The following UTRN variants were observed in gnomAD, a reference collection of about 807,000 sequenced individuals.
The protein encoded by UTRN is dystrophin-related protein 1.
UTRN carries 283 observed loss-of-function variants against 463.9 expected under a neutral mutation model. The observed-to-expected ratio is 0.61, with a 90% CI of 0.55 to 0.67. UTRN has a LOEUF of 0.67. UTRN is among the 30% of genes least tolerant of loss of function. The probability of loss-of-function intolerance (pLI) is 0.00; values close to 1 mark genes in which losing one functional copy is unlikely to be tolerated. For missense variants in UTRN, 3,922 were observed against 4,084.3 expected (o/e 0.96, Z 1.08); for synonymous variants, 1,442 against 1,431.5 (o/e 1.01, Z -0.17).
At chr6:144,768,964 T>TTTTTTTTTTTTTTTTTTTTG (rs1562884837) in intron 58 of UTRN, among the ~76,000 whole-genome samples, 2 of 148,136 alleles carry the variant, frequency 1.4e-5, no homozygotes, top group Admixed American at 6.7e-5. Flanking sequence ...TTTTGTTTTT[T>TTTTTTTTTTTTTTTTTTTTG]TTTTTTTAAT....
At chr6:144,601,949 A>G (rs939251920) in intron 51 of UTRN, among the ~76,000 whole-genome samples, 9 of 152,180 alleles carry the variant, frequency 5.9e-5, no homozygotes, top group Non-Finnish European at 1.0e-4. Flanking sequence ...CCAGATAGAC[A>G]ATCGTTAGCA....
intron 3 of UTRN, among the ~76,000 whole-genome samples, chr6:144,419,308 C>T (rs762044253): frequency 3.9e-5 from 6 of 152,120 alleles, no homozygotes; most frequent in Non-Finnish European, 8.8e-5. Context: ...TCTCTTTGTC[C>T]CTGAATCTAT....
At chr6:144,583,353 C>A (rs1469063570) in intron 51 of UTRN, 3 of 490,696 alleles carry the variant, frequency 6.1e-6, no homozygotes, top group South Asian at 8.4e-5. Context: ...TAGAACCTAA[C>A]CCCCTGTATC....
At chr6:144,415,988 A>G (rs1220779514) in intron 3 of UTRN, among the ~76,000 whole-genome samples, 3 of 151,836 alleles carry the variant, frequency 2.0e-5, no homozygotes, top group Non-Finnish European at 4.4e-5. Context: ...AAGAGTCATT[A>G]TTTCTTGATA....
chr6:144,768,971 T>TA (rs71028310), intron 58 of UTRN, among the ~76,000 whole-genome samples: 3 of 148,040 alleles, frequency 2.0e-5, no homozygotes, highest in South Asian at 2.1e-4. Context: ...TTTTTTTTTT[T>TA]AATTTTATTC....
At chr6:144,476,936 GT>G (rs1335000107) in intron 25 of UTRN, among the ~76,000 whole-genome samples, 1 of 152,054 alleles carries the variant, frequency 6.6e-6, no homozygotes. Context: ...CAAAGAGGTG[GT>G]TTTGTTATTT....
chr6:144,826,727 A>G (rs548439312), intron 66 of UTRN, among the ~76,000 whole-genome samples: 1 of 152,248 alleles, frequency 6.6e-6, no homozygotes, highest in South Asian at 2.1e-4. Context: ...TCATGATCTC[A>G]GGAAGTTGCC....
chr6:144,700,196 A>G lies in UTRN; in HGVS notation c.7762A>G (p.Ile2588Val), dbSNP rs566729770. The G allele has an allele frequency of 6.8e-6, 11 of 1,613,648 alleles. No individual in the cohort carries two copies. The highest frequency in any genetic ancestry group is 2.2e-5 in the East Asian group (1 of 44,862). ...TGAAGAGCTTAAGAAACAAATGCCTATTGGAGGAGATGTTCCAGCCTTACA... is the reference window on the plus strand; with the variant it reads ...TGAAGAGCTTAAGAAACAAATGCCTGTTGGAGGAGATGTTCCAGCCTTACA... ...KDEELKKQMP[I>V]GGDVPALQLQ... is the part of the protein sequence containing the mutation. Residue 2588 changes from isoleucine (I) to valine (V), a missense_variant, in exon 53 of 75, where the codon ATT becomes GTT. Ile to Val is a conservative substitution (Grantham distance 29, BLOSUM62 3). Transcript: ENST00000367545.
intron 58 of UTRN, among the ~76,000 whole-genome samples, chr6:144,764,612 T>C (rs1476500292): frequency 2.6e-5 from 4 of 152,228 alleles, no homozygotes; most frequent in South Asian, 2.1e-4. Flanking sequence ...AAAAAAGATA[T>C]CTATACTTTA....
chr6:144,515,730 AT>A (rs2128592710), intron 37 of UTRN, among the ~76,000 whole-genome samples: 1 of 152,290 alleles, frequency 6.6e-6, no homozygotes, highest in East Asian at 1.9e-4. Context: ...CAAATATAAA[AT>A]TTTTCTACGT....
chr6:144,851,982 G>T lies in UTRN; in HGVS notation c.*985G>T, dbSNP rs1212430499. 1 of 151,278 alleles carries T rather than the reference G, an allele frequency of 6.6e-6. No individual in the cohort carries two copies. Among genetic ancestry groups the T allele is most frequent in the Admixed American group, 6.7e-5 (1 of 14,848 alleles). 9.4% of individuals were successfully genotyped at this position (151,278 alleles called of 1,614,324 possible). A position where few individuals can be genotyped will look rare whatever the true frequency, so the allele number is the denominator to read the frequency against. On this transcript the variant is annotated 3_prime_UTR_variant, in exon 75 of 75. Transcript: ENST00000367545. ...CAGACCTTTACCTATTGTGATACCA[G>T]AACACATCATTGTCTTTGGTTCCCT... is the stretch of plus-strand genomic sequence containing the variant.
At chr6:144,682,482 C>A (rs1782300803) in intron 52 of UTRN, among the ~76,000 whole-genome samples, 1 of 152,168 alleles carries the variant, frequency 6.6e-6, no homozygotes, top group African/African-American at 2.4e-5. Context: ...GATTTCCTTT[C>A]TTTTGGGTAT....
intron 2 of UTRN, among the ~76,000 whole-genome samples, chr6:144,370,642 A>T (rs1289298153): frequency 3.3e-5 from 5 of 152,060 alleles, no homozygotes; most frequent in African/African-American, 1.2e-4. Flanking sequence ...CATCCTTCAG[A>T]CCCCAGAATG....
intron 2 of UTRN, among the ~76,000 whole-genome samples, chr6:144,314,268 G>T (rs1185877868): frequency 1.3e-5 from 2 of 152,206 alleles, no homozygotes; most frequent in Non-Finnish European, 2.9e-5. Flanking sequence ...GGCTTGGGTT[G>T]TCTGAGTGCA....
intron 14 of UTRN, 57 bp downstream of exon 14, chr6:144,444,439 T>C: frequency 7.4e-7 from 1 of 1,348,988 alleles, no homozygotes; most frequent in East Asian, 2.6e-5. Context: ...ACCCATCTTT[T>C]ATTGTGACTT....
rs147707203 is a variant in UTRN, at chr6:144,412,052, T to C, written c.141+8868T>C. On this transcript the variant is annotated intron_variant, in intron 3 of 74. Coordinates refer to ENST00000367545, the MANE Select transcript of UTRN (RefSeq NM_007124.3). ...TGGAAAGCAATGCTGTGTTTGTTCT[T>C]TTACCACAGAGTTGAATCATAAAAG... Among the ~76,000 whole-genome samples the C allele has an allele frequency of 5.3e-5, 8 of 152,286 alleles. No individual in the cohort carries two copies. The East Asian group carries it at 1.5e-3, about 29-fold the overall frequency.
Position 144,474,712 on chromosome 6 carries a change from A to G in UTRN, c.3289A>G (p.Thr1097Ala), listed in dbSNP as rs1791009584. Residue 1097 changes from threonine (T) to alanine (A), a missense_variant, in exon 25 of 75, where the codon ACA becomes GCA. Physicochemically the swap from Thr to Ala is moderately conservative, Grantham distance 58. This residue lies in a region of UTRN where 2,349 missense variants were observed against 2,303.8 expected (regional missense o/e 1.02). Transcript: ENST00000367545. ...PVAGIKTWVQ[T>A]RLGDYQTQLE... ...TGCTGGAATAAAAACTTGGGTGCAG[A>G]CAAGACTAGGTGACTACCAAACTCA... 3 of 1,613,998 alleles carry G rather than the reference A, an allele frequency of 1.9e-6. No homozygotes were observed. The highest frequency in any genetic ancestry group is 1.1e-5 in the South Asian group (1 of 91,072).
At chr6:144,820,794 C>A in intron 65 of UTRN, 88 bp from the exon 66 acceptor site, 1 of 1,464,858 alleles carries the variant, frequency 6.8e-7, no homozygotes, top group South Asian at 1.4e-5. Flanking sequence ...CATTTAATTG[C>A]ATCAATTTAC....
At chr6:144,750,331 G>GA (rs933842803) in intron 55 of UTRN, among the ~76,000 whole-genome samples, 7 of 151,724 alleles carry the variant, frequency 4.6e-5, no homozygotes, top group African/African-American at 1.5e-4. Flanking sequence ...TGCAGCAATG[G>GA]AAAAAAAACT....
Sources: gnomAD v4.1 joint callset for allele counts (sites outside exome capture counted in the v4.1 genomes callset) on GRCh38, gnomAD v4.1.1 for gene constraint, gnomAD v4.1.1 regional missense constraint, MANE v1.5 for transcripts, NCBI Gene and HGNC (gene_info 2026-07-23, HGNC 2026-07-21) for gene names.